The following GNA12 variants were observed in gnomAD, a reference collection of about 807,000 sequenced individuals.
GNA12 encodes G protein subunit alpha 12.
In GNA12, 9 loss-of-function variants were observed where a neutral mutation model predicts 26.0. That is an observed-to-expected ratio of 0.35 (90% CI 0.21 to 0.60). GNA12 has a LOEUF of 0.60. GNA12 is among the 20% of genes least tolerant of loss of function. GNA12 has a pLI of 0.78. For synonymous variants in GNA12, 264 were observed against 219.6 expected, an observed-to-expected ratio of 1.20 and a Z score of -1.79; for missense variants, 405 against 525.8, an observed-to-expected ratio of 0.77 and a Z score of 2.25.
chr7:2,824,738 G>A (rs578119516), intron 1 of GNA12, among the ~76,000 whole-genome samples: 32 of 152,300 alleles, frequency 2.1e-4, no homozygotes, highest in African/African-American at 6.3e-4. Flanking sequence ...AACAGGTGGC[G>A]ATTAGGTCAT....
intron 2 of GNA12, among the ~76,000 whole-genome samples, chr7:2,735,345 G>A (rs926487448): frequency 3.3e-5 from 5 of 152,230 alleles, no homozygotes; most frequent in Admixed American, 2.0e-4. Context: ...AGGCACGAAG[G>A]AAGCAGAGGC....
chr7:2,814,518 A>G lies in GNA12; in HGVS notation c.310-19375T>C, dbSNP rs1215347208. The stretch of plus-strand genomic sequence containing the variant: ...AAGACACAAACCAAGACTTTGAGGA[A>G]ATTTCTTCTGCACCCATGAAGTCTT... On this transcript the variant is annotated intron_variant, in intron 1 of 3. Coordinates refer to ENST00000275364, the MANE Select transcript of GNA12 (RefSeq NM_007353.3). 51 of 697,672 alleles carry G rather than the reference A, an allele frequency of 7.3e-5. No homozygotes were observed. In the East Asian group the frequency reaches 1.3e-3, roughly 18 times the overall value. The allele number at this position is 697,672 out of a possible 1,614,324, so 43.2% of individuals were successfully genotyped here.
At chr7:2,789,363 C>G (rs1792458926) in intron 2 of GNA12, among the ~76,000 whole-genome samples, 2 of 149,884 alleles carry the variant, frequency 1.3e-5, no homozygotes, top group Non-Finnish European at 3.0e-5. Flanking sequence ...TCTCGATCTC[C>G]TGACCTCGTG....
intron 2 of GNA12, among the ~76,000 whole-genome samples, chr7:2,790,714 A>C (rs117416204): frequency 1.3e-5 from 2 of 152,368 alleles, no homozygotes; most frequent in Non-Finnish European, 2.9e-5. Context: ...TGCACCTGTA[A>C]TCCCAGCACT....
At chr7:2,807,642 T>C (rs1241651394) in intron 1 of GNA12, among the ~76,000 whole-genome samples, 1 of 150,588 alleles carries the variant, frequency 6.6e-6, no homozygotes, top group Admixed American at 6.6e-5. Flanking sequence ...TTCTCATCCG[T>C]TGCCTCTAAG....
At chr7:2,772,066 G>A (rs79766348) in intron 2 of GNA12, among the ~76,000 whole-genome samples, 182 of 152,260 alleles carry the variant, frequency 1.2e-3, no homozygotes, top group African/African-American at 4.0e-3. Context: ...TTTGCTTCAG[G>A]AATCTCTTCT....
Position 2,783,655 on chromosome 7 carries a change from T to TTTAC in GNA12, c.525+11272_525+11273insGTAA, listed in dbSNP as rs1042050021. 6.9e-4 allele frequency among the ~76,000 whole-genome samples: 32 copies of TTTAC among 46,658 alleles called. No individual in the cohort carries two copies. In the Admixed American group the frequency reaches 7.8e-3, roughly 11 times the overall value. The allele number at this position is 46,658 out of a possible 152,430, so 30.6% of individuals were successfully genotyped here. A position where few individuals can be genotyped will look rare whatever the true frequency, so the allele number is the denominator to read the frequency against. On this transcript the variant is annotated intron_variant, in intron 2 of 3. Transcript: ENST00000275364. ...GTGCTTAGAGGCTGTAACACATTTA[T>TTTAC]TTATTTATTTATTTATTTATTTATT...
intron 2 of GNA12, among the ~76,000 whole-genome samples, chr7:2,765,597 G>A (rs1425761171): frequency 2.0e-5 from 3 of 151,670 alleles, no homozygotes; most frequent in East Asian, 1.9e-4. Flanking sequence ...GAGGTAGGGA[G>A]TTCTGTATCC....
chr7:2,801,627 G>A (rs1168683814), intron 1 of GNA12, among the ~76,000 whole-genome samples: 2 of 151,966 alleles, frequency 1.3e-5, no homozygotes, highest in Admixed American at 1.3e-4. Flanking sequence ...CTACTGATGA[G>A]CTTTGAACAG....
chr7:2,825,950 C>A lies in GNA12; in HGVS notation c.309+17903G>T, dbSNP rs1051124259. Among the ~76,000 whole-genome samples, 4 of 152,110 alleles carry A rather than the reference C, an allele frequency of 2.6e-5. No individual in the cohort carries two copies. In the South Asian group the frequency reaches 6.2e-4, roughly 24 times the overall value. On this transcript the variant is annotated intron_variant, in intron 1 of 3. Transcript: ENST00000275364. ...CTAATTAAAATACTGAGATGCCATT[C>A]CTCACCTCTTAGGGCGGCTAAAATC... is the stretch of plus-strand genomic sequence containing the variant.
At chr7:2,786,358 T>C (rs554200850) in intron 2 of GNA12, among the ~76,000 whole-genome samples, 10 of 152,138 alleles carry the variant, frequency 6.6e-5, no homozygotes, top group African/African-American at 2.4e-4. Flanking sequence ...AACGGGCGCC[T>C]GGCGATAAGA....
chr7:2,841,119 G>A (rs912580273), intron 1 of GNA12, among the ~76,000 whole-genome samples: 2 of 152,164 alleles, frequency 1.3e-5, no homozygotes, highest in Non-Finnish European at 2.9e-5. Context: ...GGAAGTTAGT[G>A]TTTCTATGCA....
At chr7:2,786,845 C>T (rs142751738) in intron 2 of GNA12, among the ~76,000 whole-genome samples, 265 of 152,278 alleles carry the variant, frequency 1.7e-3, no homozygotes, top group Non-Finnish European at 3.1e-3. Context: ...ATGCCCATCT[C>T]GAGACCTGAA....
intron 2 of GNA12, among the ~76,000 whole-genome samples, chr7:2,746,421 G>A (rs1192414705): frequency 2.6e-5 from 4 of 152,102 alleles, no homozygotes; most frequent in Non-Finnish European, 5.9e-5. Flanking sequence ...AATGACTACT[G>A]GGTACATAAT....
In GNA12 at chr7:2,730,167, C is replaced by A. The variant is rs1460610170; in HGVS notation, c.*1014G>T. ...CAAGCAGCTGGGGCATTAACAAAAGCTCTGCTAGTGGCCTTGCCAGCTTTC... is the reference window on the plus strand; with the variant it reads ...CAAGCAGCTGGGGCATTAACAAAAGATCTGCTAGTGGCCTTGCCAGCTTTC... On this transcript the variant is annotated 3_prime_UTR_variant, in exon 4 of 4. Transcript: ENST00000275364. 6.6e-6 allele frequency: 1 copy of A among 152,398 alleles called. No individual in the cohort carries two copies. The highest frequency in any genetic ancestry group is 1.9e-4 in the East Asian group (1 of 5,344). 9.4% of individuals were successfully genotyped at this position (152,398 alleles called of 1,614,324 possible).
At position 2,775,824 on chromosome 7, in the gene GNA12, CAG is replaced by C. The variant is rs796545548; in HGVS notation, c.525+19102_525+19103del. ...CCTAAGGAGCCTCCCACAGAGCTGG[CAG>C]AGTCCTCCCCTCCCTTCATCCCTCA... On this transcript the variant is annotated intron_variant, in intron 2 of 3. Transcript: ENST00000275364. Among the ~76,000 whole-genome samples the C allele has an allele frequency of 4.5e-4, 69 of 152,330 alleles. 1 individual carries two copies. Among genetic ancestry groups the C allele is most frequent in the African/African-American group, 1.2e-3 (51 of 41,576 alleles).
At chr7:2,787,400 A>G (rs1369399967) in intron 2 of GNA12, among the ~76,000 whole-genome samples, 4 of 152,060 alleles carry the variant, frequency 2.6e-5, no homozygotes, top group Non-Finnish European at 5.9e-5. Context: ...GCCCCTCCAC[A>G]GGCACCACGA....
Position 2,793,223 on chromosome 7 carries a change from A to C in GNA12, c.525+1705T>G, listed in dbSNP as rs926579075. Reference sequence around the variant, plus strand: ...GAGCTATCATGGACTGCAAGAGACCAAGGGGACACAATGACTAAACACAAT... The same window carrying C: ...GAGCTATCATGGACTGCAAGAGACCCAGGGGACACAATGACTAAACACAAT... On this transcript the variant is annotated intron_variant, in intron 2 of 3. Transcript: ENST00000275364. Among the ~76,000 whole-genome samples the C allele has an allele frequency of 1.2e-4, 19 of 152,230 alleles. 1 individual carries two copies. The highest frequency in any genetic ancestry group is 9.2e-4 in the Admixed American group (14 of 15,286).
chr7:2,817,726 A>T (rs944588156), intron 1 of GNA12, among the ~76,000 whole-genome samples: 8 of 152,248 alleles, frequency 5.3e-5, no homozygotes, highest in African/African-American at 1.9e-4. Context: ...AAGGTCACTC[A>T]GGATTCTGGT....
Sources: allele counts gnomAD v4.1 joint callset (sites outside exome capture counted in the v4.1 genomes callset), GRCh38; gene constraint gnomAD v4.1.1; transcripts MANE v1.5; gene names NCBI Gene and HGNC (gene_info 2026-07-23, HGNC 2026-07-21).